The following MALT1 variants were observed in gnomAD, a reference collection of about 807,000 sequenced individuals.
MALT1 encodes MALT1 paracaspase, also known as mucosa-associated lymphoid tissue lymphoma translocation protein 1.
MALT1 carries 36 observed loss-of-function variants against 85.5 expected under a neutral mutation model. That is an observed-to-expected ratio of 0.42 (90% CI 0.32 to 0.56). The LOEUF is 0.56. Ranked by LOEUF, MALT1 falls within the 20% of genes least tolerant of loss-of-function variation. The pLI, the probability that MALT1 is intolerant of heterozygous loss-of-function variation, is 0.10. For synonymous variants in MALT1, 359 were observed against 361.3 expected (o/e 0.99, Z 0.07); for missense variants, 716 against 981.6 (o/e 0.73, Z 3.62).
Position 58,751,792 on chromosome 18 carries a change from A to T in MALT1, c.*3950A>T, listed in dbSNP as rs1333716010. ...CCAATACTTGATGCTGAGAGGGGAT[A>T]TTTTCTGGAAGGTAATTTTTAAAAA... is the stretch of plus-strand genomic sequence containing the variant. On this transcript the variant is annotated 3_prime_UTR_variant, in exon 17 of 17. Coordinates refer to ENST00000649217, the MANE Select transcript of MALT1 (RefSeq NM_006785.4). 1 of 152,212 alleles carries T rather than the reference A, an allele frequency of 6.6e-6. No individual in the cohort carries two copies. The highest frequency in any genetic ancestry group is 1.5e-5 in the Non-Finnish European group (1 of 68,034). The allele number at this position is 152,212 out of a possible 1,614,324, so 9.4% of individuals were successfully genotyped here.
At chr18:58,708,033 A>G (rs756376535) in intron 4 of MALT1, among the ~76,000 whole-genome samples, 22 of 152,114 alleles carry the variant, frequency 1.4e-4, no homozygotes, top group Non-Finnish European at 2.4e-4. Flanking sequence ...TGTCTCTTCT[A>G]TGTCTCAGGG....
rs2055308533 is a variant in MALT1 at position 58,742,013 on chromosome 18, TGGTAC to T, written c.1753+4_1753+8del. 1 of 1,512,502 alleles carries T rather than the reference TGGTAC, an allele frequency of 6.6e-7. No individual in the cohort carries two copies. The highest frequency in any genetic ancestry group is 1.4e-5 in the African/African-American group (1 of 73,886). 93.7% of individuals were successfully genotyped at this position (1,512,502 alleles called of 1,614,324 possible). On this transcript the variant is annotated splice_donor_variant and splice_donor_region_variant and coding_sequence_variant and intron_variant, in exon 14 of 17. Coordinates refer to ENST00000649217, the MANE Select transcript of MALT1 (RefSeq NM_006785.4). LOFTEE classifies it high-confidence loss of function. ...GGAATCTACAGTGGGCCAAGGCTCA[TGGTAC>T]GGTAAAGCCCATTTTTTGTTAGATC... is the stretch of plus-strand genomic sequence containing the variant.
At chr18:58,715,666 T>C (rs879898469) in intron 8 of MALT1, among the ~76,000 whole-genome samples, 6 of 152,280 alleles carry the variant, frequency 3.9e-5, no homozygotes, top group Admixed American at 3.9e-4. Flanking sequence ...AGGCACCTCA[T>C]AGGGTAGAGT....
intron 3 of MALT1, among the ~76,000 whole-genome samples, chr18:58,698,677 A>G (rs1223689757): frequency 1.3e-5 from 2 of 152,212 alleles, no homozygotes; most frequent in Admixed American, 1.3e-4. Flanking sequence ...ATTAACGGAG[A>G]AAAAGCTTAT....
At chr18:58,704,148 A>C (rs991335389) in intron 4 of MALT1, among the ~76,000 whole-genome samples, 1 of 152,178 alleles carries the variant, frequency 6.6e-6, no homozygotes, top group African/African-American at 2.4e-5. Context: ...ATTCTCATAC[A>C]AGACCTTTTC....
chr18:58,748,440 CTTTAGTTTTTGATTATA>C lies in MALT1; in HGVS notation c.*599_*615del, dbSNP rs1331203598. On this transcript the variant is annotated 3_prime_UTR_variant, in exon 17 of 17. Transcript: ENST00000649217. ...TGTATTATCTCAAGGAATGTACAAA[CTTTAGTTTTTGATTATA>C]AGGACTTCACTGCAAGTTTTAGTTA... The C allele has an allele frequency of 1.1e-5, 2 of 180,338 alleles. No individual in the cohort carries two copies. The highest frequency in any genetic ancestry group is 4.7e-5 in the African/African-American group (2 of 42,380). 11.2% of individuals were successfully genotyped at this position (180,338 alleles called of 1,614,324 possible).
At chr18:58,698,931 C>G (rs899928865) in intron 3 of MALT1, among the ~76,000 whole-genome samples, 1 of 152,184 alleles carries the variant, frequency 6.6e-6, no homozygotes, top group African/African-American at 2.4e-5. Flanking sequence ...GGTACTTTTA[C>G]TCTTGGTCTG....
At position 58,733,473 on chromosome 18, in the gene MALT1, A is replaced by T. The variant is rs35575273; in HGVS notation, c.1299A>T (p.Pro433=). The change falls in exon 11 of 17, where the codon CCA becomes CCT. Residue 433 remains proline, a synonymous_variant. Coordinates refer to ENST00000649217, the MANE Select transcript of MALT1 (RefSeq NM_006785.4). ...TGGTCCCCGTTGATGCTCCAAATCC[A>T]TATAGGTCTGAAAATTGTCTGTGTG... ...SFMVPVDAPN[P]YRSENCLCVQ... 1.4e-3 allele frequency: 2,183 copies of T among 1,613,576 alleles called. 25 individuals carry two copies. The African/African-American group carries it at 0.026, about 19-fold the overall frequency.
At chr18:58,708,276 G>A (rs1181242682) in intron 4 of MALT1, among the ~76,000 whole-genome samples, 1 of 152,220 alleles carries the variant, frequency 6.6e-6, no homozygotes, top group Admixed American at 6.5e-5. Flanking sequence ...GGGAGTTGGT[G>A]AGTGAGGCAG....
Position 58,710,933 on chromosome 18 carries a change from A to G in MALT1, c.938A>G (p.Glu313Gly), listed in dbSNP as rs752699972. Residue 313 changes from glutamate to glycine, a missense_variant, in exon 7 of 17, where the codon GAG becomes GGG. By Grantham distance (98) the Glu-to-Gly change is moderately conservative. Coordinates refer to ENST00000649217, the MANE Select transcript of MALT1 (RefSeq NM_006785.4). ...TTTCTGAAACAAGGAAGAACAGATG[A>G]GGCAGTGGAGTGCACTGAAGGTAGT... ...KVEIIIGRTD[E>G]AVECTEDELN... The G allele has an allele frequency of 3.8e-6, 6 of 1,580,454 alleles. No homozygotes were observed. The highest frequency in any genetic ancestry group is 5.1e-6 in the Non-Finnish European group (6 of 1,167,060).
At chr18:58,731,002 G>C (rs556129092) in intron 10 of MALT1, among the ~76,000 whole-genome samples, 1 of 151,962 alleles carries the variant, frequency 6.6e-6, no homozygotes, top group Non-Finnish European at 1.5e-5. Flanking sequence ...CCAGGCTGGA[G>C]TGCTAGTGGC....
In MALT1 at chr18:58,700,578, A is replaced by G. The variant is rs1459979488; in HGVS notation, c.636A>G (p.Pro212=). The G allele has an allele frequency of 1.2e-6, 2 of 1,602,108 alleles. No individual in the cohort carries two copies. Among genetic ancestry groups the G allele is most frequent in the Non-Finnish European group, 1.7e-6 (2 of 1,176,664 alleles). ...QWSQLDVCDI[P]ESFQRSVDGV... is the part of the protein sequence containing the mutation. ...CACAGCTGGATGTTTGCGACATCCC[A>G]GAGAGCTTCCAGAGTAAGTAACGAA... The change falls in exon 4 of 17, where the codon CCA becomes CCG. Residue 212 remains proline (P), a synonymous_variant. Coordinates refer to ENST00000649217, the MANE Select transcript of MALT1 (RefSeq NM_006785.4).
At chr18:58,722,979 AC>A in intron 9 of MALT1, 68 bp from the exon 10 acceptor site, 1 of 985,140 alleles carries the variant, frequency 1.0e-6, no homozygotes, top group Non-Finnish European at 1.6e-6. Flanking sequence ...TTATTATAAT[AC>A]CATCTCCATA....
intron 13 of MALT1, among the ~76,000 whole-genome samples, chr18:58,738,588 C>T (rs761477481): frequency 7.0e-6 from 1 of 142,410 alleles, no homozygotes; most frequent in Non-Finnish European, 1.6e-5. Flanking sequence ...AAGTGGTTGC[C>T]GAGTCTACAC....
At chr18:58,740,695 T>C (rs1410806698) in intron 13 of MALT1, among the ~76,000 whole-genome samples, 1 of 152,180 alleles carries the variant, frequency 6.6e-6, no homozygotes, top group Non-Finnish European at 1.5e-5. Flanking sequence ...GATGAAATTT[T>C]GTAAATTTTG....
intron 14 of MALT1, among the ~76,000 whole-genome samples, chr18:58,743,400 A>G (rs970156980): frequency 2.0e-5 from 3 of 152,192 alleles, no homozygotes; most frequent in Admixed American, 6.5e-5. Flanking sequence ...ATTCTCTAAT[A>G]CATATTTTTA....
rs1260206433 is a variant in MALT1 at position 58,740,126 on chromosome 18, T to C, written c.1604-1739T>C. Among the ~76,000 whole-genome samples the C allele has an allele frequency of 2.6e-5, 4 of 152,232 alleles. No homozygotes were observed. The East Asian group carries it at 7.7e-4, about 29-fold the overall frequency. On this transcript the variant is annotated intron_variant, in intron 13 of 16. Coordinates refer to ENST00000649217, the MANE Select transcript of MALT1 (RefSeq NM_006785.4). ...GGAATTTGGGCAGTTTTCAAATTCG[T>C]TGTCATTTAGTTGCTCATATTTCTA...
intron 4 of MALT1, among the ~76,000 whole-genome samples, chr18:58,706,194 T>C (rs1230750808): frequency 6.6e-6 from 1 of 152,110 alleles, no homozygotes; most frequent in Non-Finnish European, 1.5e-5. Context: ...GTCACTCTTA[T>C]CACCCACGCT....
Position 58,671,474 on chromosome 18 carries a change from T to G in MALT1, c.-170T>G. On this transcript the variant is annotated 5_prime_UTR_variant, in exon 1 of 17. Coordinates refer to ENST00000649217, the MANE Select transcript of MALT1 (RefSeq NM_006785.4). ...CCAGGCTCCCCTCGGCAAACCTGTC[T>G]AATTGGGGCGGGGAGCGGAGCTTCC... 1 of 411,342 alleles carries G rather than the reference T, an allele frequency of 2.4e-6. No homozygotes were observed. The highest frequency in any genetic ancestry group is 4.0e-6 in the Non-Finnish European group (1 of 248,940). The allele number at this position is 411,342 out of a possible 1,614,324, so 25.5% of individuals were successfully genotyped here. A position where few individuals can be genotyped will look rare whatever the true frequency, so the allele number is the denominator to read the frequency against.
Sources: gnomAD v4.1 joint callset for allele counts (sites outside exome capture counted in the v4.1 genomes callset) on GRCh38, gnomAD v4.1.1 for gene constraint, MANE v1.5 for transcripts, NCBI Gene and HGNC (gene_info 2026-07-23, HGNC 2026-07-21) for gene names.